Variants in DHX38 observed in about 807,000 individuals in gnomAD.
DHX38 encodes the protein DEAH-box helicase 38.
In DHX38, 100 loss-of-function variants were observed where a neutral mutation model predicts 153.1. The ratio of observed to expected loss-of-function variants is 0.65; its 90% CI spans 0.56 to 0.77. The LOEUF is 0.77. Among genes scored for constraint, DHX38 ranks in the 30% least tolerant of loss-of-function variants. The pLI is 0.00. For synonymous variants in DHX38, 650 were observed against 631.7 expected (o/e 1.03, Z -0.43); for missense variants, 1,440 against 1,654.0 (o/e 0.87, Z 2.24).
At position 72,112,792 on chromosome 16, in the gene DHX38, G is replaced by A. The variant is rs748104333; in HGVS notation, c.*295G>A. 1.1e-5 allele frequency: 8 copies of A among 702,770 alleles called. No homozygotes were observed. Among genetic ancestry groups the A allele is most frequent in the South Asian group, 7.4e-5 (5 of 67,602 alleles). The allele number at this position is 702,770 out of a possible 1,614,324, so 43.5% of individuals were successfully genotyped here. On this transcript the variant is annotated 3_prime_UTR_variant, in exon 27 of 27. Transcript: ENST00000268482. Reference sequence around the variant, plus strand: ...CTGGCCCAGGACACTTGGTGTATGCGTGACTTGGCTGTGGCTGTCTTTTTT... The same window carrying A: ...CTGGCCCAGGACACTTGGTGTATGCATGACTTGGCTGTGGCTGTCTTTTTT...
chr16:72,104,067 T>C lies in DHX38; in HGVS notation c.1946T>C (p.Ile649Thr). Residue 649 changes from isoleucine to threonine, a missense_variant, in exon 14 of 27, where the codon ATC becomes ACC. Ile to Thr is a moderately conservative substitution (Grantham distance 89). Transcript: ENST00000268482. The surrounding 1 kb of genome is among the most constrained non-coding windows in gnomAD (Gnocchi z 4.5). ...READLDHYSA[I>T]IMDEAHERSL... ...GCCGACCTGGATCACTACAGTGCCA[T>C]CATCATGGACGAGGCCCACGAGCGC... 6.2e-7 allele frequency: 1 copy of C among 1,614,164 alleles called. No individual in the cohort carries two copies. Among genetic ancestry groups the C allele is most frequent in the South Asian group, 1.1e-5 (1 of 91,080 alleles).
intron 2 of DHX38, 63 bp downstream of exon 2, chr16:72,096,543 A>T: frequency 6.7e-7 from 1 of 1,494,232 alleles, no homozygotes. Context: ...ATAACAGCTC[A>T]TGTTTATCTC....
In DHX38 at chr16:72,100,544, G is replaced by A. The variant is rs539297616; in HGVS notation, c.1225G>A (p.Val409Met). The change falls in exon 9 of 27, where the codon GTG (valine) becomes ATG (methionine). Residue 409 changes from valine (V) to methionine (M), a missense_variant. Val to Met is a conservative substitution (Grantham distance 21, BLOSUM62 1). Transcript: ENST00000268482. ...EDNAAKVHLMVHNLVPPFLDG... is the reference protein window; with the variant it reads ...EDNAAKVHLMMHNLVPPFLDG... ...CAACGCGGCCAAGGTGCATCTGATGGTGCACAATCTGGTGCCTCCCTTTCT... is the reference window on the plus strand; with the variant it reads ...CAACGCGGCCAAGGTGCATCTGATGATGCACAATCTGGTGCCTCCCTTTCT... 1.7e-5 allele frequency: 27 copies of A among 1,614,156 alleles called. No individual in the cohort carries two copies. Among genetic ancestry groups the A allele is most frequent in the East Asian group, 6.7e-5 (3 of 44,866 alleles).
chr16:72,097,171 T>A (rs1353795964), intron 3 of DHX38, 162 bp downstream of exon 3: 12 of 704,810 alleles, frequency 1.7e-5, no homozygotes, highest in Non-Finnish European at 2.4e-5. Context: ...GGAATACTAG[T>A]TTAAGAAAAG....
Position 72,112,697 on chromosome 16 carries a change from G to C in DHX38, c.*200G>C, listed in dbSNP as rs1597451754. On this transcript the variant is annotated 3_prime_UTR_variant, in exon 27 of 27. Transcript: ENST00000268482. ...TCCATGCAGGAGCACGGCATGGCGG[G>C]AGCGGGGCTGCAGAGTATCCGAGGT... 1 of 717,232 alleles carries C rather than the reference G, an allele frequency of 1.4e-6. No individual in the cohort carries two copies. The highest frequency in any genetic ancestry group is 2.7e-5 in the East Asian group (1 of 37,344). The allele number at this position is 717,232 out of a possible 1,614,324, so 44.4% of individuals were successfully genotyped here.
intron 1 of DHX38, chr16:72,094,569 G>A (rs2041979965): frequency 6.6e-6 from 1 of 152,134 alleles, no homozygotes; most frequent in South Asian, 2.1e-4. Context: ...TTTCTTCCCT[G>A]GCTTTCTCGT....
Position 72,108,411 on chromosome 16 carries a change from G to C in DHX38, c.3120+29G>C, listed in dbSNP as rs145682606. ...GAGTGGTGGATGAGCAGGATGTTGG[G>C]ATGAGGGGAGGGTCGAGAGGAAAGG... On this transcript the variant is annotated intron_variant, in intron 22 of 26. Transcript: ENST00000268482. 1.5e-5 allele frequency: 25 copies of C among 1,613,892 alleles called. No homozygotes were observed. In the East Asian group the frequency reaches 5.6e-4, roughly 36 times the overall value.
chr16:72,105,335 A>T lies in DHX38; in HGVS notation c.2366A>T (p.Lys789Ile). The change falls in exon 17 of 27, where the codon AAA (lysine) becomes ATA (isoleucine). Residue 789 changes from lysine (K) to isoleucine (I), a missense_variant. Physicochemically the swap from Lys to Ile is moderately radical, Grantham distance 102 (BLOSUM62 -3). This residue lies in a region of DHX38 where 543 missense variants were observed against 717.9 expected (regional missense o/e 0.76). Coordinates refer to ENST00000268482, the MANE Select transcript of DHX38 (RefSeq NM_014003.4). ...YSQLPSDLQAKIFQKAPDGVR... is the reference protein window; with the variant it reads ...YSQLPSDLQAIIFQKAPDGVR... Reference sequence around the variant, plus strand: ...CAGCTGCCTTCTGACCTCCAGGCCAAAATCTTCCAGAAGGTGTGTCAGCAG... The same window carrying T: ...CAGCTGCCTTCTGACCTCCAGGCCATAATCTTCCAGAAGGTGTGTCAGCAG... 1 of 1,614,176 alleles carries T rather than the reference A, an allele frequency of 6.2e-7. No homozygotes were observed. The highest frequency in any genetic ancestry group is 8.5e-7 in the Non-Finnish European group (1 of 1,180,012).
At position 72,104,204 on chromosome 16, in the gene DHX38, C is replaced by T; in HGVS notation, c.2010+73C>T. On this transcript the variant is annotated intron_variant, in intron 14 of 26. Coordinates refer to ENST00000268482, the MANE Select transcript of DHX38 (RefSeq NM_014003.4). This position sits in a 1 kb window ranked among gnomAD's most constrained non-coding sequence, Gnocchi z 4.5. ...TGCACCACCAGTAGCTAGTGGGTTG[C>T]TCCAGGTGGGCTGAGGGGGTCTCTG... The T allele has an allele frequency of 6.4e-7, 1 of 1,559,744 alleles. No individual in the cohort carries two copies. The highest frequency in any genetic ancestry group is 8.7e-7 in the Non-Finnish European group (1 of 1,147,294).
chr16:72,110,269 A>G (rs1481129204), intron 25 of DHX38, among the ~76,000 whole-genome samples: 7 of 152,186 alleles, frequency 4.6e-5, no homozygotes, highest in African/African-American at 1.7e-4. Context: ...TGTTTCGTGC[A>G]CTTGCTGTAA....
In DHX38 at chr16:72,101,190, G is replaced by A. The variant is rs748354848; in HGVS notation, c.1383G>A (p.Lys461=). The part of the protein sequence containing the change: ...VRKHREQKER[K]KAQHKHWELA... ...AGCACAGGGAGCAGAAGGAGCGCAA[G>A]AAGGTTGGTTTCTTGGTTTCGTGGC... The change falls in exon 10 of 27, where the codon AAG becomes AAA. Residue 461 remains lysine (K), a synonymous_variant. Transcript: ENST00000268482. 1.9e-6 allele frequency: 3 copies of A among 1,614,218 alleles called. No individual in the cohort carries two copies. In the East Asian group the frequency reaches 6.7e-5, roughly 36 times the overall value.
At position 72,107,774 on chromosome 16, in the gene DHX38, T is replaced by C. The variant is rs763664494; in HGVS notation, c.2939T>C (p.Val980Ala). 6.2e-7 allele frequency: 1 copy of C among 1,613,840 alleles called. No homozygotes were observed. Among genetic ancestry groups the C allele is most frequent in the Non-Finnish European group, 8.5e-7 (1 of 1,179,992 alleles). The stretch of plus-strand genomic sequence containing the variant: ...CTGCTCATCGTTTCCATGCTCTCGG[T>C]CCCAGCCATCTTCTACAGGCCCAAG... The part of the protein sequence containing the change: ...EILLIVSMLS[V>A]PAIFYRPKGR... Residue 980 changes from valine to alanine, a missense_variant, in exon 21 of 27, where the codon GTC (valine) becomes GCC (alanine). By Grantham distance (64) the Val-to-Ala change is moderately conservative (BLOSUM62 0). Transcript: ENST00000268482. This position sits in a 1 kb window ranked among gnomAD's most constrained non-coding sequence, Gnocchi z 5.3.
chr16:72,106,438 C>CG (rs1555539032), intron 19 of DHX38, among the ~76,000 whole-genome samples: 1 of 67,170 alleles, frequency 1.5e-5, no homozygotes, highest in South Asian at 5.3e-4. Flanking sequence ...TCTCTTTCCC[C>CG]ATTTTCTTTC....
In DHX38 at chr16:72,100,611, G is replaced by C; in HGVS notation, c.1278+14G>C. 6.2e-7 allele frequency: 1 copy of C among 1,613,112 alleles called. No individual in the cohort carries two copies. Among genetic ancestry groups the C allele is most frequent in the Non-Finnish European group, 8.5e-7 (1 of 1,179,640 alleles). On this transcript the variant is annotated intron_variant, in intron 9 of 26. Coordinates refer to ENST00000268482, the MANE Select transcript of DHX38 (RefSeq NM_014003.4). ...TTCACCAAGCAGGTGAGGCTCCTCT[G>C]TGGCCAGGGACAAGACAGCTCAGAG...
rs1198305480 is a variant in DHX38, at chr16:72,099,723, G to GC, written c.961-6dup. The GC allele has an allele frequency of 6.2e-7, 1 of 1,613,926 alleles. No homozygotes were observed. The highest frequency in any genetic ancestry group is 8.5e-7 in the Non-Finnish European group (1 of 1,179,910). On this transcript the variant is annotated splice_polypyrimidine_tract_variant and intron_variant, in intron 7 of 26. Coordinates refer to ENST00000268482, the MANE Select transcript of DHX38 (RefSeq NM_014003.4). ...CCCTCACTCCCTTGCTTTGCCTCCT[G>GC]CCCTGCAGCAAGCCGATCGGGATTG... is the stretch of plus-strand genomic sequence containing the variant.
At chr16:72,096,792 G>A (rs749274207) in intron 2 of DHX38, 30 bp from the exon 3 acceptor site, 2 of 1,593,788 alleles carry the variant, frequency 1.3e-6, no homozygotes, top group South Asian at 1.1e-5. Context: ...CCTATGGAGG[G>A]GCCTTTACCA....
intron 8 of DHX38, 46 bp downstream of exon 8, chr16:72,099,933 G>C (rs969473976): frequency 7.1e-6 from 11 of 1,558,520 alleles, no homozygotes; most frequent in Non-Finnish European, 9.6e-6. Context: ...GCTGGAGGTA[G>C]AGCACGTGGG....
chr16:72,109,648 GGTCT>G (rs1191887957), intron 25 of DHX38, 138 bp downstream of exon 25: 1 of 798,304 alleles, frequency 1.3e-6, no homozygotes, highest in Non-Finnish European at 1.8e-6. Flanking sequence ...CAGCAGGCTG[GGTCT>G]GTCTGATTCC....
chr16:72,110,956 G>T lies in DHX38; in HGVS notation c.3478G>T (p.Glu1160Ter). 1 of 1,586,946 alleles carries T rather than the reference G, an allele frequency of 6.3e-7. No homozygotes were observed. Among genetic ancestry groups the T allele is most frequent in the Non-Finnish European group, 8.6e-7 (1 of 1,166,244 alleles). ...AGCCAGGTCTGTCCCTCTTCAATAG[G>T]AGAACCGTCGTCGGGCCAAAGAGGA... Reference protein sequence around the residue: ...SVKQAGKSRQENRRRAKEEAS... With the variant: ...SVKQAGKSRQ The change falls in exon 26 of 27, where the codon GAG becomes TAG. Residue 1160 changes from glutamate to a stop codon, truncating the protein, a stop_gained and splice_region_variant. Coordinates refer to ENST00000268482, the MANE Select transcript of DHX38 (RefSeq NM_014003.4). LOFTEE classifies it high-confidence loss of function.
Sources: gnomAD v4.1 joint callset for allele counts (sites outside exome capture counted in the v4.1 genomes callset) on GRCh38, gnomAD v4.1.1 for gene constraint, gnomAD v4.1.1 regional missense constraint, Gnocchi (gnomAD v3.1) non-coding constraint, MANE v1.5 for transcripts, NCBI Gene and HGNC (gene_info 2026-07-23, HGNC 2026-07-21) for gene names.